The following GRM7 variants were observed in gnomAD, a reference collection of about 807,000 sequenced individuals.
GRM7 encodes the protein glutamate metabotropic receptor 7.
In GRM7, 35 loss-of-function variants were observed where a neutral mutation model predicts 84.5. The ratio of observed to expected loss-of-function variants is 0.41; its 90% CI spans 0.32 to 0.55. GRM7 has a LOEUF of 0.55. GRM7 is among the 20% of genes least tolerant of loss of function. The pLI is 0.19. For missense variants in GRM7, 1,003 were observed against 1,194.6 expected, an observed-to-expected ratio of 0.84 and a Z score of 2.36; for synonymous variants, 487 against 455.1, an observed-to-expected ratio of 1.07 and a Z score of -0.89.
At chr3:7,032,826 A>T (rs1370410663) in intron 1 of GRM7, among the ~76,000 whole-genome samples, 1 of 152,188 alleles carries the variant, frequency 6.6e-6, no homozygotes, top group Non-Finnish European at 1.5e-5. Context: ...ATTCCAAGAT[A>T]CCAACTGAGT....
rs1693464839 is a variant in GRM7, at chr3:7,128,196, C to T, written c.520-18256C>T. ...CCAGAGTCCATTTAAAATTTGATTC[C>T]TACACTTGTTTTTCAGAGTGTAGCC... On this transcript the variant is annotated intron_variant, in intron 1 of 9. Coordinates refer to ENST00000357716, the MANE Select transcript of GRM7 (RefSeq NM_000844.4). Among the ~76,000 whole-genome samples the T allele has an allele frequency of 2.0e-5, 3 of 151,784 alleles. No homozygotes were observed. The South Asian group carries it at 6.2e-4, about 32-fold the overall frequency.
At chr3:7,008,138 T>C (rs1695245629) in intron 1 of GRM7, among the ~76,000 whole-genome samples, 1 of 152,100 alleles carries the variant, frequency 6.6e-6, no homozygotes, top group Non-Finnish European at 1.5e-5. Flanking sequence ...TGTATTCCTC[T>C]ATTGGTGTCC....
Position 7,294,936 on chromosome 3 carries a change from C to G in GRM7, c.737-3748C>G, listed in dbSNP as rs928524217. Among the ~76,000 whole-genome samples the G allele has an allele frequency of 2.0e-5, 3 of 152,172 alleles. No homozygotes were observed. The South Asian group carries it at 6.2e-4, about 31-fold the overall frequency. On this transcript the variant is annotated intron_variant, in intron 2 of 9. Coordinates refer to ENST00000357716, the MANE Select transcript of GRM7 (RefSeq NM_000844.4). Reference sequence around the variant, plus strand: ...GATACATTCTTTTATCAAACATATACTTTTAACCAAGTGTCTGGCTTGTGC... The same window carrying G: ...GATACATTCTTTTATCAAACATATAGTTTTAACCAAGTGTCTGGCTTGTGC...
chr3:7,656,579 AGTGTGCTGTG>A (rs1325670277), intron 8 of GRM7, among the ~76,000 whole-genome samples: 7 of 151,482 alleles, frequency 4.6e-5, no homozygotes, highest in Non-Finnish European at 5.9e-5. Context: ...ACACACACAA[AGTGTGCTGTG>A]GCAGACAGAG....
chr3:7,500,049 C>G (rs532636930), intron 7 of GRM7, among the ~76,000 whole-genome samples: 2 of 152,288 alleles, frequency 1.3e-5, no homozygotes, highest in African/African-American at 4.8e-5. Flanking sequence ...GCTGGGATTA[C>G]AGGCATGGAC....
intron 1 of GRM7, among the ~76,000 whole-genome samples, chr3:7,011,535 A>C (rs1350153261): frequency 6.6e-6 from 1 of 152,002 alleles, no homozygotes. Flanking sequence ...CACTTTTTAT[A>C]CTCAGTTTAA....
chr3:6,990,754 C>A (rs1247356700), intron 1 of GRM7, among the ~76,000 whole-genome samples: 1 of 152,192 alleles, frequency 6.6e-6, no homozygotes, highest in Non-Finnish European at 1.5e-5. Flanking sequence ...GCTTATTTCT[C>A]CCCAACATTC....
At chr3:7,259,251 G>T (rs184056997) in intron 2 of GRM7, among the ~76,000 whole-genome samples, 1 of 152,148 alleles carries the variant, frequency 6.6e-6, no homozygotes, top group East Asian at 1.9e-4. Context: ...AAGTGATGGT[G>T]ATCAAATGAG....
intron 8 of GRM7, among the ~76,000 whole-genome samples, chr3:7,640,252 T>C (rs938186905): frequency 1.3e-5 from 2 of 152,212 alleles, no homozygotes; most frequent in Non-Finnish European, 2.9e-5. Context: ...GGAAGCAAGA[T>C]AGCATGATCT....
chr3:7,074,954 T>A (rs1347486502), intron 1 of GRM7, among the ~76,000 whole-genome samples: 1 of 152,200 alleles, frequency 6.6e-6, no homozygotes, highest in African/African-American at 2.4e-5. Flanking sequence ...TTAATAGCAT[T>A]TTCACTGCAT....
At chr3:7,462,773 G>T (rs1217713681) in intron 7 of GRM7, among the ~76,000 whole-genome samples, 2 of 152,106 alleles carry the variant, frequency 1.3e-5, no homozygotes, top group Non-Finnish European at 2.9e-5. Flanking sequence ...TCTCCCCATT[G>T]TGAGGTGCAC....
intron 5 of GRM7, among the ~76,000 whole-genome samples, chr3:7,435,679 GTTTTTTTTTTTTT>G (rs71066011): frequency 3.4e-5 from 3 of 88,528 alleles, no homozygotes; most frequent in Non-Finnish European, 6.0e-5. Context: ...CATCCGGCTA[GTTTTTTTTTTTTT>G]TTTTTTTTTT....
rs1698752650 is a variant in GRM7, at chr3:7,093,710, AAAAAG to A, written c.520-52741_520-52737del. Reference sequence around the variant, plus strand: ...AAAAAAAAAAAAAAAAAAAAAAAAAAAAAAGGTAGTTAGTGGCCTTTGCTCTTTTA... The same window carrying A: ...AAAAAAAAAAAAAAAAAAAAAAAAAAGTAGTTAGTGGCCTTTGCTCTTTTA... On this transcript the variant is annotated intron_variant, in intron 1 of 9. Transcript: ENST00000357716. 1.0e-4 allele frequency among the ~76,000 whole-genome samples: 8 copies of A among 80,362 alleles called. 1 individual carries two copies. Among genetic ancestry groups the A allele is most frequent in the African/African-American group, 3.1e-4 (5 of 16,200 alleles). 52.7% of individuals were successfully genotyped at this position (80,362 alleles called of 152,430 possible).
At chr3:7,105,018 C>T (rs545069237) in intron 1 of GRM7, among the ~76,000 whole-genome samples, 3 of 151,660 alleles carry the variant, frequency 2.0e-5, no homozygotes, top group African/African-American at 7.2e-5. Flanking sequence ...TGAATAGTTC[C>T]CTGAGCATGA....
At chr3:7,253,966 C>T (rs1698105992) in intron 2 of GRM7, among the ~76,000 whole-genome samples, 1 of 152,178 alleles carries the variant, frequency 6.6e-6, no homozygotes, top group Non-Finnish European at 1.5e-5. Context: ...GTATTGTGAG[C>T]CCCTGTGGGA....
chr3:7,490,763 A>C (rs1225985447), intron 7 of GRM7, among the ~76,000 whole-genome samples: 1 of 152,196 alleles, frequency 6.6e-6, no homozygotes, highest in African/African-American at 2.4e-5. Flanking sequence ...AAGTTGCTAC[A>C]GATATGATAA....
chr3:7,264,308 C>T (rs1324260888), intron 2 of GRM7, among the ~76,000 whole-genome samples: 1 of 152,128 alleles, frequency 6.6e-6, no homozygotes, highest in Non-Finnish European at 1.5e-5. Flanking sequence ...CCTGGCTGTG[C>T]TCCACTACAG....
intron 8 of GRM7, among the ~76,000 whole-genome samples, chr3:7,648,628 GAC>G (rs1234101611): frequency 6.7e-6 from 1 of 150,300 alleles, no homozygotes; most frequent in Non-Finnish European, 1.5e-5. Flanking sequence ...CAGCTTGGGT[GAC>G]AGAGTGATAC....
At chr3:7,662,826 G>A (rs566794373) in intron 8 of GRM7, among the ~76,000 whole-genome samples, 3 of 152,206 alleles carry the variant, frequency 2.0e-5, no homozygotes, top group African/African-American at 7.2e-5. Flanking sequence ...ATAAAAATTT[G>A]GGGAAAATAT....
Sources: gnomAD v4.1 joint callset for allele counts (sites outside exome capture counted in the v4.1 genomes callset) on GRCh38, gnomAD v4.1.1 for gene constraint, MANE v1.5 for transcripts, NCBI Gene and HGNC (gene_info 2026-07-23, HGNC 2026-07-21) for gene names.